Variants in SGSM1 observed in about 807,000 individuals in gnomAD.
The protein encoded by SGSM1 is RUN and TBC1 domain containing 2.
In SGSM1, 73 loss-of-function variants were observed where a neutral mutation model predicts 133.8. The ratio of observed to expected loss-of-function variants is 0.55; its 90% CI spans 0.45 to 0.66. SGSM1 has a LOEUF of 0.66. SGSM1 is among the 30% of genes least tolerant of loss of function. The pLI, the probability that SGSM1 is intolerant of heterozygous loss-of-function variation, is 0.00. For synonymous variants in SGSM1, 563 were observed against 573.0 expected, an observed-to-expected ratio of 0.98 and a Z score of 0.25; for missense variants, 1,213 against 1,448.1, an observed-to-expected ratio of 0.84 and a Z score of 2.64.
chr22:24,883,984 A>T, intron 14 of SGSM1, 69 bp from the exon 15 acceptor site: 1 of 1,468,562 alleles, frequency 6.8e-7, no homozygotes, highest in Admixed American at 2.6e-5. Context: ...AGAACTTGGG[A>T]AGTCCCATGA....
chr22:24,826,815 G>A (rs1390903395), intron 2 of SGSM1, among the ~76,000 whole-genome samples: 1 of 152,096 alleles, frequency 6.6e-6, no homozygotes, highest in Non-Finnish European at 1.5e-5. Flanking sequence ...CCCTCATGGT[G>A]TGCCCGGCCC....
intron 14 of SGSM1, among the ~76,000 whole-genome samples, chr22:24,881,076 T>C (rs201888577): frequency 0.068 from 9,410 of 138,792 alleles, 472 homozygotes; most frequent in East Asian, 0.1. Flanking sequence ...GCCTGTAGTC[T>C]CAGCTACTTG....
rs1934130456 is a variant in SGSM1 at position 24,924,557 on chromosome 22, C to A, written c.*283C>A. On this transcript the variant is annotated 3_prime_UTR_variant, in exon 25 of 25. Coordinates refer to ENST00000400358, the MANE Select transcript of SGSM1 (RefSeq NM_001098497.3). ...TGGAGGTTGTTGGTGGAGGAGGAGC[C>A]ATCTTTGTTTGCTGGTGCCCGGAAT... The A allele has an allele frequency of 2.2e-6, 1 of 461,160 alleles. No homozygotes were observed. Among genetic ancestry groups the A allele is most frequent in the African/African-American group, 2.0e-5 (1 of 51,204 alleles). The allele number at this position is 461,160 out of a possible 1,614,324, so 28.6% of individuals were successfully genotyped here.
Position 24,905,188 on chromosome 22 carries a change from G to T in SGSM1, c.2818+1G>T. On this transcript the variant is annotated splice_donor_variant, in intron 21 of 24. Transcript: ENST00000400358. LOFTEE classifies it high-confidence loss of function. ...CCACTGCTGGTCATTCTGGATGATG[G>T]TGAGTGTGTCTTTACTGCCCTAGGG... The T allele has an allele frequency of 6.2e-7, 1 of 1,613,880 alleles. No individual in the cohort carries two copies. The highest frequency in any genetic ancestry group is 8.5e-7 in the Non-Finnish European group (1 of 1,179,772).
rs573934684 is a variant in SGSM1 at position 24,919,491 on chromosome 22, T to C, written c.3026-335T>C. 3.9e-5 allele frequency among the ~76,000 whole-genome samples: 6 copies of C among 152,264 alleles called. No individual in the cohort carries two copies. The South Asian group carries it at 6.2e-4, about 16-fold the overall frequency. On this transcript the variant is annotated intron_variant, in intron 23 of 24. Coordinates refer to ENST00000400358, the MANE Select transcript of SGSM1 (RefSeq NM_001098497.3). ...ATGGAGGTGCAGGGATAGCAGGTGT[T>C]GCTTGTCAAAGGGCAGGGCAAGGAC...
In SGSM1 at chr22:24,806,218, GCT is replaced by G; in HGVS notation, c.-106_-105del. On this transcript the variant is annotated 5_prime_UTR_variant, in exon 1 of 25. Transcript: ENST00000400358. ...GGGCGCCCTCCGGCCGTCACTCAGC[GCT>G]CGGCCCCGCCCCGCCGCGGCTGCAG... 1 of 1,240,288 alleles carries G rather than the reference GCT, an allele frequency of 8.1e-7. No homozygotes were observed. Among genetic ancestry groups the G allele is most frequent in the Non-Finnish European group, 1.0e-6 (1 of 990,776 alleles). The allele number at this position is 1,240,288 out of a possible 1,614,324, so 76.8% of individuals were successfully genotyped here.
intron 18 of SGSM1, among the ~76,000 whole-genome samples, chr22:24,896,290 T>C (rs916716494): frequency 1.3e-5 from 2 of 151,662 alleles, no homozygotes; most frequent in Admixed American, 1.3e-4. Flanking sequence ...AAAACTCTGG[T>C]TTTGACTCTG....
In SGSM1 at chr22:24,912,639, T is replaced by G; in HGVS notation, c.2819-4T>G. ...CATCTGACTGTTCTGTGATGCTTTCTCAGAGGCCCTTGCCTTCAGCTGCTT... is the reference window on the plus strand; with the variant it reads ...CATCTGACTGTTCTGTGATGCTTTCGCAGAGGCCCTTGCCTTCAGCTGCTT... On this transcript the variant is annotated splice_region_variant and splice_polypyrimidine_tract_variant and intron_variant, in intron 21 of 24. Coordinates refer to ENST00000400358, the MANE Select transcript of SGSM1 (RefSeq NM_001098497.3). The G allele has an allele frequency of 6.2e-7, 1 of 1,606,284 alleles. No homozygotes were observed. The highest frequency in any genetic ancestry group is 8.5e-7 in the Non-Finnish European group (1 of 1,174,746).
intron 2 of SGSM1, among the ~76,000 whole-genome samples, chr22:24,820,178 C>T (rs1291324327): frequency 1.3e-5 from 2 of 152,098 alleles, no homozygotes; most frequent in African/African-American, 2.4e-5. Context: ...TGTGCATGGG[C>T]GTGGCAGCCT....
chr22:24,921,759 G>T (rs1934016017), intron 24 of SGSM1, among the ~76,000 whole-genome samples: 1 of 151,650 alleles, frequency 6.6e-6, no homozygotes, highest in African/African-American at 2.4e-5. Flanking sequence ...GAGTACAATG[G>T]CATGATCTCA....
intron 12 of SGSM1, among the ~76,000 whole-genome samples, chr22:24,873,307 C>T (rs1355220927): frequency 6.6e-6 from 1 of 152,080 alleles, no homozygotes; most frequent in East Asian, 1.9e-4. Flanking sequence ...CGTGGGGTTT[C>T]TCAGCCTCAG....
chr22:24,835,748 AGGTGTT>A (rs1198703908), intron 2 of SGSM1, among the ~76,000 whole-genome samples: 1 of 150,300 alleles, frequency 6.7e-6, no homozygotes, highest in African/African-American at 2.4e-5. Flanking sequence ...TGTGTAGAGC[AGGTGTT>A]GGGATGGGGG....
chr22:24,895,021 G>T (rs761260130), intron 17 of SGSM1, among the ~76,000 whole-genome samples: 1 of 152,164 alleles, frequency 6.6e-6, no homozygotes, highest in African/African-American at 2.4e-5. Flanking sequence ...AGGTCAAAGC[G>T]GTCTCTGAAG....
intron 19 of SGSM1, chr22:24,901,080 G>T (rs556280666): frequency 6.6e-6 from 1 of 152,248 alleles, no homozygotes; most frequent in South Asian, 2.1e-4. Flanking sequence ...ATTATGCAGG[G>T]AGATAACATT....
chr22:24,819,639 A>G (rs997526147), intron 2 of SGSM1, among the ~76,000 whole-genome samples: 6 of 152,138 alleles, frequency 3.9e-5, no homozygotes, highest in African/African-American at 1.4e-4. Flanking sequence ...CTCTGCCTCT[A>G]TTTATTATCC....
intron 2 of SGSM1, among the ~76,000 whole-genome samples, chr22:24,838,152 G>T (rs1020349664): frequency 7.9e-5 from 12 of 152,166 alleles, no homozygotes; most frequent in Non-Finnish European, 1.5e-5. Flanking sequence ...TTTGTATGTA[G>T]CTATCCAGTT....
intron 2 of SGSM1, among the ~76,000 whole-genome samples, chr22:24,834,773 T>A (rs1452845190): frequency 7.3e-6 from 1 of 137,510 alleles, no homozygotes; most frequent in African/African-American, 2.7e-5. Context: ...TTTTTTTTTT[T>A]ATTGTGACGG....
rs531602086 is a variant in SGSM1, at chr22:24,836,999, A to G, written c.64-7898A>G. On this transcript the variant is annotated intron_variant, in intron 2 of 24. Transcript: ENST00000400358. The stretch of plus-strand genomic sequence containing the variant: ...ATCCAAGAAATCATTGTCAAATCCA[A>G]TGTTGTAGGGACCAGCCCCACAGGG... Among the ~76,000 whole-genome samples the G allele has an allele frequency of 1.6e-4, 25 of 152,338 alleles. No homozygotes were observed. The East Asian group carries it at 4.0e-3, about 25-fold the overall frequency.
At chr22:24,919,421 G>C (rs1004361398) in intron 23 of SGSM1, among the ~76,000 whole-genome samples, 1 of 152,152 alleles carries the variant, frequency 6.6e-6, no homozygotes, top group Non-Finnish European at 1.5e-5. Context: ...GGCTCTGCCA[G>C]TGTGTGGGGG....
Sources: gnomAD v4.1 joint callset for allele counts (sites outside exome capture counted in the v4.1 genomes callset) on GRCh38, gnomAD v4.1.1 for gene constraint, MANE v1.5 for transcripts, NCBI Gene and HGNC (gene_info 2026-07-23, HGNC 2026-07-21) for gene names.